Variants in FHIP1A observed in about 807,000 individuals in gnomAD.
FHIP1A encodes the protein FHF complex subunit HOOK interacting protein 1A, also known as FHF complex subunit HOOK-interacting protein 1A.
Under a neutral mutation model 88.6 loss-of-function variants are expected in FHIP1A, and 61 were observed. That is an observed-to-expected ratio of 0.69 (90% CI 0.56 to 0.85). FHIP1A has a LOEUF of 0.85. Ranked by LOEUF, FHIP1A falls within the 40% of genes least tolerant of loss-of-function variation. FHIP1A has a pLI of 0.00. For synonymous variants in FHIP1A, 478 were observed against 496.0 expected (o/e 0.96, Z 0.48); for missense variants, 1,154 against 1,273.5 (o/e 0.91, Z 1.43).
intron 3 of FHIP1A, among the ~76,000 whole-genome samples, chr4:151,554,660 C>T (rs181313715): frequency 3.3e-5 from 5 of 152,220 alleles, no homozygotes; most frequent in Non-Finnish European, 5.9e-5. Flanking sequence ...ATTTTACACC[C>T]TTCAATTTTA....
chr4:151,501,066 C>G (rs1337390183), intron 3 of FHIP1A, among the ~76,000 whole-genome samples: 1 of 152,064 alleles, frequency 6.6e-6, no homozygotes, highest in African/African-American at 2.4e-5. Flanking sequence ...GCATAGATAA[C>G]AAAATACTCT....
chr4:151,571,797 C>T (rs965649877), intron 4 of FHIP1A, among the ~76,000 whole-genome samples: 12 of 152,216 alleles, frequency 7.9e-5, no homozygotes, highest in African/African-American at 2.9e-4. Flanking sequence ...AGTTCTCTCT[C>T]TCTTCCAAGA....
chr4:151,443,222 C>G (rs79842871), intron 1 of FHIP1A, among the ~76,000 whole-genome samples: 2,653 of 152,202 alleles, frequency 0.017, 73 homozygotes, highest in African/African-American at 0.06. Flanking sequence ...CACTTGAGCC[C>G]AGGAGTTCGA....
chr4:151,439,183 A>G (rs781191795), intron 1 of FHIP1A, among the ~76,000 whole-genome samples: 3 of 152,174 alleles, frequency 2.0e-5, no homozygotes, highest in Non-Finnish European at 4.4e-5. Flanking sequence ...CTAATTAACA[A>G]TAAAGATTGT....
intron 3 of FHIP1A, among the ~76,000 whole-genome samples, chr4:151,552,602 A>T (rs62329092): frequency 1.3e-5 from 2 of 151,736 alleles, no homozygotes; most frequent in Non-Finnish European, 2.9e-5. Context: ...CGCATTTCTC[A>T]CTCATAGGTG....
In FHIP1A at chr4:151,629,682, C is replaced by T. The variant is rs371537942; in HGVS notation, c.979-20C>T. Reference sequence around the variant, plus strand: ...CATCAAAAGGATGCTCACCTGTGCTCACTCCGTTGTTTGTCCTAGGTGACT... The same window carrying T: ...CATCAAAAGGATGCTCACCTGTGCTTACTCCGTTGTTTGTCCTAGGTGACT... On this transcript the variant is annotated intron_variant, in intron 7 of 13. Coordinates refer to ENST00000435205, the MANE Select transcript of FHIP1A (RefSeq NM_001109977.3). The T allele has an allele frequency of 3.4e-5, 52 of 1,548,896 alleles. No homozygotes were observed. The highest frequency in any genetic ancestry group is 4.4e-5 in the Non-Finnish European group (50 of 1,145,560).
At chr4:151,563,714 G>A (rs1029042510) in intron 3 of FHIP1A, among the ~76,000 whole-genome samples, 2 of 152,138 alleles carry the variant, frequency 1.3e-5, no homozygotes, top group African/African-American at 4.8e-5. Context: ...CTTGTGCTGG[G>A]CATGGTGGCT....
At chr4:151,565,472 G>A (rs886736108) in intron 3 of FHIP1A, among the ~76,000 whole-genome samples, 5 of 151,950 alleles carry the variant, frequency 3.3e-5, no homozygotes, top group African/African-American at 1.2e-4. Context: ...GATTTGTCAA[G>A]GTTACTTGGA....
intron 1 of FHIP1A, among the ~76,000 whole-genome samples, chr4:151,435,627 A>G (rs377258996): frequency 2.0e-5 from 3 of 152,204 alleles, no homozygotes; most frequent in East Asian, 3.9e-4. Context: ...TCTACTAAAA[A>G]TACAAAAATT....
intron 3 of FHIP1A, among the ~76,000 whole-genome samples, chr4:151,499,425 G>T (rs1730571368): frequency 6.6e-6 from 1 of 152,114 alleles, no homozygotes; most frequent in South Asian, 2.1e-4. Flanking sequence ...GTTCAGCCTG[G>T]TGATCTGAAC....
At chr4:151,462,586 A>G (rs1729177702) in intron 2 of FHIP1A, among the ~76,000 whole-genome samples, 1 of 152,208 alleles carries the variant, frequency 6.6e-6, no homozygotes, top group Non-Finnish European at 1.5e-5. Context: ...AGATGATGAT[A>G]TTACAGAGGA....
intron 3 of FHIP1A, among the ~76,000 whole-genome samples, chr4:151,500,575 G>C (rs2126661734): frequency 6.6e-6 from 1 of 151,930 alleles, no homozygotes; most frequent in East Asian, 1.9e-4. Context: ...GAAAATAATA[G>C]TCTACATACC....
intron 3 of FHIP1A, among the ~76,000 whole-genome samples, chr4:151,516,710 AT>A (rs1387308738): frequency 1.3e-5 from 2 of 152,230 alleles, no homozygotes; most frequent in Non-Finnish European, 2.9e-5. Context: ...AATGCTCACC[AT>A]TACTGGCTAT....
intron 3 of FHIP1A, among the ~76,000 whole-genome samples, chr4:151,501,221 A>T (rs940260301): frequency 6.6e-6 from 1 of 152,222 alleles, no homozygotes. Context: ...TCATGCTGCT[A>T]TGAACATTCA....
At chr4:151,575,948 T>C (rs1267924859) in intron 4 of FHIP1A, among the ~76,000 whole-genome samples, 1 of 152,126 alleles carries the variant, frequency 6.6e-6, no homozygotes, top group Non-Finnish European at 1.5e-5. Flanking sequence ...AAAAGACACA[T>C]AGATTCCATG....
At chr4:151,624,354 G>C (rs1473582658) in intron 7 of FHIP1A, among the ~76,000 whole-genome samples, 2 of 152,116 alleles carry the variant, frequency 1.3e-5, no homozygotes, top group Admixed American at 6.5e-5. Context: ...CACCACCACT[G>C]CCTGTGGTGT....
rs1387582512 is a variant in FHIP1A at position 151,588,938 on chromosome 4, G to A, written c.978+12G>A. 6 of 1,498,320 alleles carry A rather than the reference G, an allele frequency of 4.0e-6. 1 individual carries two copies. The highest frequency in any genetic ancestry group is 4.6e-6 in the Non-Finnish European group (5 of 1,098,584). 92.8% of individuals were successfully genotyped at this position (1,498,320 alleles called of 1,614,324 possible). ...CTGCTCTCCATAAGGTCAGTGATTG[G>A]CTCATGTAATCTTCTGTCTCTATAA... is the stretch of plus-strand genomic sequence containing the variant. On this transcript the variant is annotated intron_variant, in intron 7 of 13. Coordinates refer to ENST00000435205, the MANE Select transcript of FHIP1A (RefSeq NM_001109977.3).
At chr4:151,530,648 C>T (rs771552475) in intron 3 of FHIP1A, among the ~76,000 whole-genome samples, 7 of 152,132 alleles carry the variant, frequency 4.6e-5, no homozygotes, top group Admixed American at 2.6e-4. Context: ...AAAACGTTTG[C>T]AATTGTCAAC....
chr4:151,507,412 G>T (rs571528296), intron 3 of FHIP1A, among the ~76,000 whole-genome samples: 2 of 152,300 alleles, frequency 1.3e-5, no homozygotes, highest in Admixed American at 6.5e-5. Context: ...TAAGGAATGA[G>T]TGAGGAAAAA....
Sources: gnomAD v4.1 joint callset for allele counts (sites outside exome capture counted in the v4.1 genomes callset) on GRCh38, gnomAD v4.1.1 for gene constraint, MANE v1.5 for transcripts, NCBI Gene and HGNC (gene_info 2026-07-23, HGNC 2026-07-21) for gene names.